The following SLC30A8 variants were observed in gnomAD, a reference collection of about 807,000 sequenced individuals.
SLC30A8 encodes the protein proton-coupled zinc antiporter SLC30A8.
A neutral mutation model predicts 36.9 loss-of-function variants in SLC30A8; 27 were observed. The ratio of observed to expected loss-of-function variants is 0.73; its 90% CI spans 0.54 to 1.01. The LOEUF is 1.01. Ranked by LOEUF, SLC30A8 falls within the 50% of genes least tolerant of loss-of-function variation. SLC30A8 has a pLI of 0.00. For synonymous variants in SLC30A8, 164 were observed against 172.4 expected (o/e 0.95, Z 0.38); for missense variants, 439 against 452.0 (o/e 0.97, Z 0.26).
intron 1 of SLC30A8, among the ~76,000 whole-genome samples, chr8:116,956,965 A>G (rs917970783): frequency 1.3e-5 from 2 of 152,238 alleles, no homozygotes; most frequent in African/African-American, 2.4e-5. Flanking sequence ...AATAAGTGAC[A>G]TGTAGAATAA....
At chr8:117,157,527 C>T (rs1045284442) in intron 3 of SLC30A8, among the ~76,000 whole-genome samples, 164 bp from the exon 4 acceptor site, 2 of 152,260 alleles carry the variant, frequency 1.3e-5, no homozygotes, top group Non-Finnish European at 2.9e-5. Flanking sequence ...AATACTTTCT[C>T]TTAGTTTTAA....
At chr8:117,141,457 A>C (rs1055987495) in intron 1 of SLC30A8, among the ~76,000 whole-genome samples, 3 of 152,184 alleles carry the variant, frequency 2.0e-5, no homozygotes, top group African/African-American at 7.2e-5. Context: ...AATGGACAAA[A>C]TTCAACACCC....
At chr8:117,028,454 G>T (rs1816937106) in intron 1 of SLC30A8, among the ~76,000 whole-genome samples, 1 of 152,128 alleles carries the variant, frequency 6.6e-6, no homozygotes, top group Non-Finnish European at 1.5e-5. Context: ...AGACCTCAGA[G>T]GGTTGCTGGA....
intron 2 of SLC30A8, among the ~76,000 whole-genome samples, chr8:117,116,906 C>T (rs1456108593): frequency 6.6e-6 from 1 of 151,998 alleles, no homozygotes; most frequent in African/African-American, 2.4e-5. Flanking sequence ...AGTATTTGGG[C>T]AAGAGCCCTT....
chr8:117,011,541 A>T (rs1000184746), intron 1 of SLC30A8, among the ~76,000 whole-genome samples: 7 of 152,348 alleles, frequency 4.6e-5, no homozygotes, highest in Admixed American at 2.6e-4. Context: ...GAGAGAGCTG[A>T]CAGCAGAAGT....
intron 1 of SLC30A8, among the ~76,000 whole-genome samples, chr8:116,965,542 A>G (rs1814571925): frequency 3.3e-5 from 5 of 152,334 alleles, no homozygotes; most frequent in Admixed American, 1.3e-4. Context: ...TGAGATCCAG[A>G]TGAATTTGAC....
At chr8:117,115,169 G>A (rs2130887062) in intron 2 of SLC30A8, among the ~76,000 whole-genome samples, 1 of 152,100 alleles carries the variant, frequency 6.6e-6, no homozygotes, top group South Asian at 2.1e-4. Flanking sequence ...TGAACTCCTG[G>A]TCTCAAGCTA....
At chr8:116,986,232 C>T (rs373494584) in intron 1 of SLC30A8, among the ~76,000 whole-genome samples, 17 of 152,056 alleles carry the variant, frequency 1.1e-4, no homozygotes, top group East Asian at 7.7e-4. Context: ...ATGTGTTCAT[C>T]TAATTACTAT....
At chr8:116,951,446 A>G (rs1813987675) in intron 1 of SLC30A8, among the ~76,000 whole-genome samples, 1 of 151,938 alleles carries the variant, frequency 6.6e-6, no homozygotes, top group Admixed American at 6.6e-5. Flanking sequence ...CCTCCTCCCA[A>G]CCTTCTCTTG....
intron 1 of SLC30A8, among the ~76,000 whole-genome samples, chr8:117,021,879 A>G (rs1816705442): frequency 6.6e-6 from 1 of 152,142 alleles, no homozygotes. Context: ...TCAATTTATG[A>G]CGGAAGGGCT....
intron 2 of SLC30A8, among the ~76,000 whole-genome samples, chr8:117,114,896 CCTCT>C (rs141497160): frequency 4.7e-5 from 7 of 149,726 alleles, no homozygotes; most frequent in Admixed American, 1.3e-4. Flanking sequence ...TCTCTTCTGT[CCTCT>C]CTCTCTCTCT....
At chr8:117,029,788 GCAAA>G (rs1213728676) in intron 1 of SLC30A8, among the ~76,000 whole-genome samples, 2 of 152,144 alleles carry the variant, frequency 1.3e-5, no homozygotes, top group African/African-American at 4.8e-5. Context: ...ATCTAACACT[GCAAA>G]CAAATTCAAA....
At chr8:117,057,051 A>G (rs966987227) in intron 2 of SLC30A8, among the ~76,000 whole-genome samples, 4 of 152,176 alleles carry the variant, frequency 2.6e-5, no homozygotes, top group Admixed American at 1.3e-4. Context: ...ACCATAAACC[A>G]TGTAGCTTAT....
At chr8:117,105,709 C>A (rs574887906) in intron 2 of SLC30A8, among the ~76,000 whole-genome samples, 2 of 152,134 alleles carry the variant, frequency 1.3e-5, no homozygotes, top group Non-Finnish European at 2.9e-5. Flanking sequence ...GGCCCACCCA[C>A]ATTATTGAGG....
intron 2 of SLC30A8, among the ~76,000 whole-genome samples, chr8:117,106,250 A>T (rs1398059470): frequency 1.3e-5 from 2 of 152,312 alleles, no homozygotes; most frequent in East Asian, 3.9e-4. Flanking sequence ...TTACTGTGGA[A>T]GTAGATTTTT....
intron 2 of SLC30A8, among the ~76,000 whole-genome samples, chr8:117,113,940 G>A (rs1242683074): frequency 6.6e-6 from 1 of 152,122 alleles, no homozygotes; most frequent in Non-Finnish European, 1.5e-5. Context: ...CAGAAGATTT[G>A]TGAAACGAGG....
chr8:116,985,293 TACACACACACACACAC>T (rs71305454), intron 1 of SLC30A8, among the ~76,000 whole-genome samples: 6,338 of 140,318 alleles, frequency 0.045, 437 homozygotes, highest in African/African-American at 0.15. Flanking sequence ...CTCACACACA[TACACACACACACACAC>T]ACACACACAC....
At chr8:116,952,282 C>T (rs1814019622) in intron 1 of SLC30A8, among the ~76,000 whole-genome samples, 1 of 152,092 alleles carries the variant, frequency 6.6e-6, no homozygotes. Flanking sequence ...CAGACTGTAT[C>T]CTAAGAGCCT....
intron 5 of SLC30A8, among the ~76,000 whole-genome samples, chr8:117,162,830 G>A (rs919310635): frequency 8.5e-5 from 13 of 152,174 alleles, no homozygotes; most frequent in African/African-American, 2.9e-4. Flanking sequence ...TTTCTCAAGG[G>A]TAGAAAAGCA....
Sources: allele counts gnomAD v4.1 joint callset (sites outside exome capture counted in the v4.1 genomes callset), GRCh38; gene constraint gnomAD v4.1.1; transcripts MANE v1.5; gene names NCBI Gene and HGNC (gene_info 2026-07-23, HGNC 2026-07-21).